SLC1A1: variants seen among roughly 807,000 people sequenced by gnomAD.
The protein encoded by SLC1A1 is solute carrier family 1 member 1, also known as excitatory amino acid transporter 3.
Under a neutral mutation model 53.3 loss-of-function variants are expected in SLC1A1, and 43 were observed. That is an observed-to-expected ratio of 0.81 (90% confidence interval 0.63 to 1.04). SLC1A1 has a LOEUF of 1.04. Among genes scored for constraint, SLC1A1 ranks in the 50% least tolerant of loss-of-function variants. The probability of loss-of-function intolerance (pLI) is 0.00; values close to 1 mark genes in which losing one functional copy is unlikely to be tolerated. For missense variants in SLC1A1, 748 were observed against 664.9 expected (o/e 1.12, Z -1.37); for synonymous variants, 307 against 243.2 (o/e 1.26, Z -2.44).
intron 1 of SLC1A1, among the ~76,000 whole-genome samples, chr9:4,502,769 G>C (rs764400578): frequency 6.6e-6 from 1 of 151,764 alleles, no homozygotes; most frequent in Non-Finnish European, 1.5e-5. Flanking sequence ...TTGGTAGTTA[G>C]AACCATACTT....
intron 1 of SLC1A1, 105 bp from the exon 2 acceptor site, chr9:4,544,462 T>C: frequency 1.0e-6 from 1 of 959,584 alleles, no homozygotes; most frequent in South Asian, 1.3e-5. Flanking sequence ...TAAACTATTT[T>C]TCTTGCCATT....
chr9:4,576,598 G>T lies in SLC1A1; in HGVS notation c.1028G>T (p.Cys343Phe), dbSNP rs1820568307. ...SSATLPVTFRCAEENNQVDKR... is the reference protein window; with the variant it reads ...SSATLPVTFRFAEENNQVDKR... ...GCAACACTGCCTGTCACCTTCCGCT[G>T]TGCTGAAGAAAATAACCAGGTGGAC... The change falls in exon 10 of 12, where the codon TGT becomes TTT. Residue 343 changes from cysteine (C) to phenylalanine (F), a missense_variant. Cys to Phe is a radical substitution (Grantham distance 205). Coordinates refer to ENST00000262352, the MANE Select transcript of SLC1A1 (RefSeq NM_004170.6). 3 of 1,614,098 alleles carry T rather than the reference G, an allele frequency of 1.9e-6. No individual in the cohort carries two copies. The highest frequency in any genetic ancestry group is 2.5e-6 in the Non-Finnish European group (3 of 1,179,936).
chr9:4,524,564 TATAAA>T lies in SLC1A1; in HGVS notation c.92-20002_92-19998del, dbSNP rs1378222175. ...ATAGAAGACCTGAGACTGGGTAACT[TATAAA>T]GAAAAGATGTTTATTTAGGTCACAG... On this transcript the variant is annotated intron_variant, in intron 1 of 11. Transcript: ENST00000262352. Among the ~76,000 whole-genome samples, 3 of 152,186 alleles carry T rather than the reference TATAAA, an allele frequency of 2.0e-5. 1 individual carries two copies. The highest frequency in any genetic ancestry group is 2.0e-4 in the Admixed American group (3 of 15,268).
At chr9:4,555,917 C>A (rs1292860445) in intron 2 of SLC1A1, among the ~76,000 whole-genome samples, 4 of 152,000 alleles carry the variant, frequency 2.6e-5, no homozygotes, top group Non-Finnish European at 4.4e-5. Flanking sequence ...AGATCAATAA[C>A]CTTCGTAAAC....
intron 2 of SLC1A1, among the ~76,000 whole-genome samples, chr9:4,552,165 T>G (rs79248346): frequency 0.017 from 2,660 of 152,326 alleles, 79 homozygotes; most frequent in African/African-American, 0.06. Context: ...ATTGGAGGCA[T>G]GGACCTGGAA....
chr9:4,491,822 G>A (rs530473089), intron 1 of SLC1A1, among the ~76,000 whole-genome samples: 9 of 152,280 alleles, frequency 5.9e-5, no homozygotes, highest in Admixed American at 4.6e-4. Context: ...AGGCAAGTGG[G>A]GACAGCTTGT....
intron 1 of SLC1A1, among the ~76,000 whole-genome samples, chr9:4,504,819 CTG>C (rs946962958): frequency 6.6e-6 from 1 of 152,130 alleles, no homozygotes; most frequent in African/African-American, 2.4e-5. Context: ...ATACCTTTCA[CTG>C]TGCAATCACA....
intron 1 of SLC1A1, among the ~76,000 whole-genome samples, chr9:4,521,278 C>G (rs1251386625): frequency 6.6e-6 from 1 of 152,196 alleles, no homozygotes; most frequent in Non-Finnish European, 1.5e-5. Context: ...TTGGTTGTCT[C>G]TACCAGGTAC....
intron 4 of SLC1A1, among the ~76,000 whole-genome samples, chr9:4,564,671 G>A (rs993215975): frequency 3.9e-5 from 6 of 152,294 alleles, no homozygotes; most frequent in East Asian, 1.9e-4. Context: ...ACAGGCTTCC[G>A]CATCAGGATT....
At chr9:4,510,122 C>T (rs1313545555) in intron 1 of SLC1A1, among the ~76,000 whole-genome samples, 1 of 152,230 alleles carries the variant, frequency 6.6e-6, no homozygotes, top group Non-Finnish European at 1.5e-5. Flanking sequence ...GCATGAGCCA[C>T]TACGCCCAGT....
At chr9:4,507,828 A>G (rs1489357641) in intron 1 of SLC1A1, among the ~76,000 whole-genome samples, 1 of 152,166 alleles carries the variant, frequency 6.6e-6, no homozygotes, top group Non-Finnish European at 1.5e-5. Context: ...GTTGTACCTG[A>G]CTAAAACCTG....
At chr9:4,538,866 T>C (rs933003598) in intron 1 of SLC1A1, among the ~76,000 whole-genome samples, 5 of 152,208 alleles carry the variant, frequency 3.3e-5, no homozygotes, top group African/African-American at 1.2e-4. Flanking sequence ...TGAATGCATG[T>C]AGTCATTTGT....
At chr9:4,566,791 A>T (rs886450344) in intron 5 of SLC1A1, among the ~76,000 whole-genome samples, 1 of 152,190 alleles carries the variant, frequency 6.6e-6, no homozygotes, top group Admixed American at 6.5e-5. Context: ...AGGAAAATTG[A>T]ACAATCTCTT....
At chr9:4,513,634 C>CTT (rs1821067561) in intron 1 of SLC1A1, among the ~76,000 whole-genome samples, 1 of 152,110 alleles carries the variant, frequency 6.6e-6, no homozygotes, top group South Asian at 2.1e-4. Context: ...CTCTAAAAAA[C>CTT]AATTTGGCAC....
At chr9:4,582,189 A>C (rs979570254) in intron 10 of SLC1A1, among the ~76,000 whole-genome samples, 2 of 152,214 alleles carry the variant, frequency 1.3e-5, no homozygotes, top group African/African-American at 4.8e-5. Context: ...TGTTGCTGAT[A>C]AAGAGACTGC....
At chr9:4,505,319 G>A (rs928799594) in intron 1 of SLC1A1, among the ~76,000 whole-genome samples, 5 of 152,088 alleles carry the variant, frequency 3.3e-5, no homozygotes, top group Admixed American at 6.5e-5. Context: ...AAAGAGCTGG[G>A]ATTACAGGGG....
chr9:4,534,233 G>A (rs1816588044), intron 1 of SLC1A1, among the ~76,000 whole-genome samples: 1 of 152,022 alleles, frequency 6.6e-6, no homozygotes, highest in Non-Finnish European at 1.5e-5. Context: ...AGGAAATAGA[G>A]ACACAAAAAA....
At chr9:4,540,745 G>C (rs1586732244) in intron 1 of SLC1A1, among the ~76,000 whole-genome samples, 1 of 152,238 alleles carries the variant, frequency 6.6e-6, no homozygotes, top group Non-Finnish European at 1.5e-5. Flanking sequence ...GTGCACTGCA[G>C]TTCCCACCTG....
intron 1 of SLC1A1, among the ~76,000 whole-genome samples, chr9:4,491,516 T>C (rs1284286369): frequency 1.3e-5 from 2 of 152,270 alleles, no homozygotes; most frequent in Non-Finnish European, 2.9e-5. Context: ...CATCCTTGCC[T>C]GTTTTTAAAC....
Sources: gnomAD v4.1 joint callset for allele counts (sites outside exome capture counted in the v4.1 genomes callset) on GRCh38, gnomAD v4.1.1 for gene constraint, MANE v1.5 for transcripts, NCBI Gene and HGNC (gene_info 2026-07-23, HGNC 2026-07-21) for gene names.